ZMAT4: variants seen among roughly 807,000 people sequenced by gnomAD.
ZMAT4 encodes the protein zinc finger matrin-type 4.
A neutral mutation model predicts 28.7 loss-of-function variants in ZMAT4; 17 were observed. The observed-to-expected ratio is 0.59, with a 90% CI of 0.41 to 0.89. The LOEUF (loss-of-function observed/expected upper bound fraction) is 0.89. Among genes scored for constraint, ZMAT4 ranks in the 40% least tolerant of loss-of-function variants. The pLI is 0.00. For synonymous variants in ZMAT4, 117 were observed against 109.2 expected (o/e 1.07, Z -0.44); for missense variants, 240 against 283.8 (o/e 0.85, Z 1.11).
At chr8:40,734,485 G>A (rs1311790764) in intron 3 of ZMAT4, among the ~76,000 whole-genome samples, 1 of 152,208 alleles carries the variant, frequency 6.6e-6, no homozygotes, top group East Asian at 1.9e-4. Flanking sequence ...TCCTTGTGAA[G>A]AGACTGCCCT....
In ZMAT4 at chr8:40,697,369, C is replaced by G. The variant is rs1443722093; in HGVS notation, c.225G>C (p.Lys75Asn). 1 of 1,609,000 alleles carries G rather than the reference C, an allele frequency of 6.2e-7. No homozygotes were observed. The highest frequency in any genetic ancestry group is 8.5e-7 in the Non-Finnish European group (1 of 1,177,476). ...ATGACATGTTGCAGAGTGTGCAGCA[C>G]TTGTTCTTATCCACCATGTCGGCAT... ...GSDADMVDKN[K>N]CCTLCNMSFT... Residue 75 changes from lysine (K) to asparagine (N), a missense_variant, in exon 4 of 7, where the codon AAG (lysine) becomes AAC (asparagine). Coordinates refer to ENST00000297737, the MANE Select transcript of ZMAT4 (RefSeq NM_024645.3).
At chr8:40,809,418 A>G (rs1426382881) in intron 2 of ZMAT4, among the ~76,000 whole-genome samples, 52 of 152,172 alleles carry the variant, frequency 3.4e-4, no homozygotes, top group Non-Finnish European at 1.0e-4. Flanking sequence ...CCACAGTATC[A>G]TGCAATATAC....
At chr8:40,763,244 C>T (rs1302453391) in intron 3 of ZMAT4, among the ~76,000 whole-genome samples, 2 of 152,210 alleles carry the variant, frequency 1.3e-5, no homozygotes, top group Non-Finnish European at 2.9e-5. Flanking sequence ...TTTGCAGATG[C>T]TCGTTATCGT....
intron 1 of ZMAT4, among the ~76,000 whole-genome samples, chr8:40,845,869 A>G (rs1465846456): frequency 6.6e-6 from 1 of 151,956 alleles, no homozygotes; most frequent in Non-Finnish European, 1.5e-5. Flanking sequence ...GCCAAGCATC[A>G]ATTAGGAGCG....
Position 40,819,351 on chromosome 8 carries a change from T to C in ZMAT4, c.102+6224A>G, listed in dbSNP as rs146084981. Among the ~76,000 whole-genome samples, 498 of 152,258 alleles carry C rather than the reference T, an allele frequency of 3.3e-3. 3 individuals are homozygous for C. The highest frequency in any genetic ancestry group is 0.012 in the African/African-American group (484 of 41,540). ...ATCACCCATAACCCATATCTTGACA[T>C]TGGGGTCTCAAGTACAGACCAATGC... On this transcript the variant is annotated intron_variant, in intron 2 of 6. Coordinates refer to ENST00000297737, the MANE Select transcript of ZMAT4 (RefSeq NM_024645.3).
chr8:40,744,755 A>C (rs562613227), intron 3 of ZMAT4, among the ~76,000 whole-genome samples: 4 of 152,310 alleles, frequency 2.6e-5, no homozygotes, highest in African/African-American at 9.6e-5. Context: ...GAAAGAGTAA[A>C]ATGTTTTAGC....
Position 40,760,493 on chromosome 8 carries a change from T to C in ZMAT4, c.192+7148A>G, listed in dbSNP as rs117999009. Among the ~76,000 whole-genome samples the C allele has an allele frequency of 4.1e-3, 627 of 152,116 alleles. 3 individuals are homozygous for C. Among genetic ancestry groups the C allele is most frequent in the Non-Finnish European group, 6.0e-3 (409 of 67,984 alleles). On this transcript the variant is annotated intron_variant, in intron 3 of 6. Transcript: ENST00000297737. ...TCGCAGCACCCTCACCAGAACCAGA[T>C]TGGGGGTAGGAGAGCTAAGCAGCAT...
At chr8:40,665,726 T>C (rs1255921843) in intron 5 of ZMAT4, among the ~76,000 whole-genome samples, 2 of 152,056 alleles carry the variant, frequency 1.3e-5, no homozygotes, top group African/African-American at 4.8e-5. Flanking sequence ...AGTTAATTAC[T>C]CAGGATTCTG....
chr8:40,570,001 A>G (rs1384680285), intron 6 of ZMAT4, among the ~76,000 whole-genome samples: 2 of 152,210 alleles, frequency 1.3e-5, no homozygotes, highest in Non-Finnish European at 2.9e-5. Flanking sequence ...CTCACATTTC[A>G]AATGAAGACA....
At chr8:40,768,778 A>C (rs1415585535) in intron 2 of ZMAT4, among the ~76,000 whole-genome samples, 2 of 152,086 alleles carry the variant, frequency 1.3e-5, no homozygotes, top group Non-Finnish European at 1.5e-5. Flanking sequence ...TGACTGCATC[A>C]CCTCTCGAAT....
chr8:40,668,671 A>G (rs984504906), intron 5 of ZMAT4, among the ~76,000 whole-genome samples: 49 of 152,036 alleles, frequency 3.2e-4, no homozygotes, highest in African/African-American at 1.0e-3. Context: ...AAATGCAGTC[A>G]GGTTTATGAT....
chr8:40,633,937 C>T (rs1462468341), intron 5 of ZMAT4, among the ~76,000 whole-genome samples: 1 of 152,134 alleles, frequency 6.6e-6, no homozygotes, highest in Non-Finnish European at 1.5e-5. Context: ...CCAAATGCCA[C>T]CAGGAAATAG....
intron 3 of ZMAT4, 103 bp from the exon 4 acceptor site, chr8:40,697,504 T>C (rs1490116006): frequency 2.1e-5 from 25 of 1,204,038 alleles, no homozygotes; most frequent in Admixed American, 4.1e-5. Flanking sequence ...ATCTAGTTTT[T>C]GTTCTGCAAG....
intron 3 of ZMAT4, among the ~76,000 whole-genome samples, chr8:40,758,930 A>G (rs1486590725): frequency 6.6e-6 from 1 of 152,212 alleles, no homozygotes; most frequent in African/African-American, 2.4e-5. Context: ...GAAAAGAAAC[A>G]TGCATAACGC....
intron 5 of ZMAT4, among the ~76,000 whole-genome samples, chr8:40,651,829 G>T (rs1487147366): frequency 7.6e-6 from 1 of 130,932 alleles, no homozygotes; most frequent in Non-Finnish European, 1.7e-5. Context: ...CAAGCAATGG[G>T]GAAAGGATTC....
intron 5 of ZMAT4, among the ~76,000 whole-genome samples, chr8:40,672,811 T>C (rs7820693): frequency 0.79 from 119,489 of 152,064 alleles, 47,328 homozygotes; most frequent in East Asian, 0.96. Context: ...TATGGAGAGA[T>C]CCTGCCTATT....
At chr8:40,690,915 T>C (rs1289667853) in intron 4 of ZMAT4, 1 of 985,130 alleles carries the variant, frequency 1.0e-6, no homozygotes, top group South Asian at 4.7e-5. Flanking sequence ...TCATTGCTTA[T>C]CCGTTGCTTT....
chr8:40,653,865 T>C (rs1005827617), intron 5 of ZMAT4, among the ~76,000 whole-genome samples: 1 of 152,174 alleles, frequency 6.6e-6, no homozygotes, highest in African/African-American at 2.4e-5. Flanking sequence ...CTTCACAAAG[T>C]CTTTCTAAAA....
At chr8:40,804,602 A>T (rs1441131262) in intron 2 of ZMAT4, among the ~76,000 whole-genome samples, 1 of 152,144 alleles carries the variant, frequency 6.6e-6, no homozygotes, top group Non-Finnish European at 1.5e-5. Flanking sequence ...GCACTTTGGG[A>T]GGCCAAAGTG....
Sources: gnomAD v4.1 joint callset for allele counts (sites outside exome capture counted in the v4.1 genomes callset) on GRCh38, gnomAD v4.1.1 for gene constraint, MANE v1.5 for transcripts, NCBI Gene and HGNC (gene_info 2026-07-23, HGNC 2026-07-21) for gene names.